The following CSTPP1 variants were observed in gnomAD, a reference collection of about 807,000 sequenced individuals.
The protein encoded by CSTPP1 is UPF0705 protein C11orf49.
the CSTPP1 span, among the ~76,000 whole-genome samples, chr11:46,982,594 T>C: frequency 1.3e-5 from 2 of 152,122 alleles, no homozygotes; most frequent in African/African-American, 4.8e-5. Context: ...GGGAAGAGAA[T>C]AAAATAAATA....
chr11:46,938,508 TC>T, the CSTPP1 span, among the ~76,000 whole-genome samples: 36,223 of 151,026 alleles, frequency 0.24, 5,080 homozygotes, highest in East Asian at 0.65. Flanking sequence ...TCCTGAAAAA[TC>T]CCCTGTGCTC....
the CSTPP1 span, among the ~76,000 whole-genome samples, chr11:47,088,587 C>T: frequency 6.6e-6 from 1 of 152,086 alleles, no homozygotes; most frequent in Non-Finnish European, 1.5e-5. Flanking sequence ...CTCTCTCTTG[C>T]CCAGGCTGGA....
chr11:47,102,730 C>T, the CSTPP1 span, among the ~76,000 whole-genome samples: 1 of 152,114 alleles, frequency 6.6e-6, no homozygotes, highest in South Asian at 2.1e-4. Context: ...ATTGTCAGGT[C>T]GAAACAGCTT....
the CSTPP1 span, among the ~76,000 whole-genome samples, chr11:47,157,448 A>G: frequency 6.6e-6 from 1 of 152,178 alleles, no homozygotes; most frequent in Non-Finnish European, 1.5e-5. Flanking sequence ...TAGTTGACCA[A>G]TTTACTGGGT....
chr11:47,104,545 C>T, the CSTPP1 span, among the ~76,000 whole-genome samples: 22 of 152,334 alleles, frequency 1.4e-4, no homozygotes, highest in African/African-American at 4.8e-4. Context: ...CAAGGGACAG[C>T]AGTTTGCCAA....
chr11:47,163,051 T>C, the CSTPP1 span, among the ~76,000 whole-genome samples: 1 of 151,956 alleles, frequency 6.6e-6, no homozygotes, highest in African/African-American at 2.4e-5. Context: ...AGCTTGCACC[T>C]GTAGTCCCAG....
chr11:46,987,140 A>G, the CSTPP1 span: 25 of 1,483,498 alleles, frequency 1.7e-5, no homozygotes, highest in East Asian at 5.4e-4. Flanking sequence ...ACCTCCTACT[A>G]GGATTGGGAT....
chr11:47,047,843 G>A, the CSTPP1 span, among the ~76,000 whole-genome samples: 1 of 152,158 alleles, frequency 6.6e-6, no homozygotes, highest in Non-Finnish European at 1.5e-5. Flanking sequence ...TTAAAAATGG[G>A]CAAAGGACTT....
the CSTPP1 span, among the ~76,000 whole-genome samples, chr11:46,974,627 G>A: frequency 2.0e-5 from 3 of 151,688 alleles, no homozygotes; most frequent in African/African-American, 7.3e-5. Context: ...GTTCACTTGA[G>A]ATCAGGAGTT....
the CSTPP1 span, among the ~76,000 whole-genome samples, chr11:46,947,817 TC>T: frequency 1.3e-5 from 2 of 152,162 alleles, no homozygotes; most frequent in Non-Finnish European, 2.9e-5. Context: ...CCCCAGGACT[TC>T]AGATCAGGTG....
chr11:47,073,347 C>T, the CSTPP1 span, among the ~76,000 whole-genome samples: 2 of 151,976 alleles, frequency 1.3e-5, no homozygotes, highest in Admixed American at 6.6e-5. Flanking sequence ...AAAGGTGCTA[C>T]GGAGCATCAG....
the CSTPP1 span, among the ~76,000 whole-genome samples, chr11:47,081,856 C>T: frequency 6.6e-6 from 1 of 151,240 alleles, no homozygotes; most frequent in Non-Finnish European, 1.5e-5. Flanking sequence ...TTTGGGAGGC[C>T]GAGGTGGGAG....
the CSTPP1 span, among the ~76,000 whole-genome samples, chr11:47,102,210 C>T: frequency 6.6e-6 from 1 of 151,840 alleles, no homozygotes; most frequent in South Asian, 2.1e-4. Context: ...GTGGATAGAT[C>T]AGGTCCAGTG....
At chr11:47,097,065 C>A in the CSTPP1 span, among the ~76,000 whole-genome samples, 143 of 148,914 alleles carry the variant, frequency 9.6e-4, no homozygotes, top group African/African-American at 3.5e-3. Context: ...GGTCAGCCCC[C>A]CCACCCGGCC....
At chr11:47,026,592 A>G in the CSTPP1 span, among the ~76,000 whole-genome samples, 1 of 152,152 alleles carries the variant, frequency 6.6e-6, no homozygotes, top group East Asian at 1.9e-4. Context: ...AAGTAGCTAA[A>G]ATTGGCTGGG....
chr11:47,155,004 T>C, the CSTPP1 span: 1 of 637,778 alleles, frequency 1.6e-6, no homozygotes, highest in South Asian at 1.8e-5. Flanking sequence ...AGGAGCTTGC[T>C]TTTGGGAGCC....
chr11:47,158,800 A>G, the CSTPP1 span, among the ~76,000 whole-genome samples: 1 of 152,210 alleles, frequency 6.6e-6, no homozygotes, highest in Admixed American at 6.5e-5. Flanking sequence ...CTCCCAAAGT[A>G]CTGGGATTAC....
the CSTPP1 span, chr11:47,154,351 G>C: frequency 6.6e-6 from 1 of 152,506 alleles, no homozygotes; most frequent in Admixed American, 6.5e-5. Context: ...GGCATGTGAT[G>C]GAGCCCAGCA....
the CSTPP1 span, among the ~76,000 whole-genome samples, chr11:47,094,774 T>C: frequency 1.3e-5 from 2 of 152,178 alleles, no homozygotes; most frequent in Non-Finnish European, 2.9e-5. Flanking sequence ...ATTGCCATCA[T>C]CACAGAAAGT....
Sources: gnomAD v4.1 joint callset for allele counts (sites outside exome capture counted in the v4.1 genomes callset) on GRCh38, gnomAD v4.1.1 for gene constraint, MANE v1.5 for transcripts, NCBI Gene and HGNC (gene_info 2026-07-23, HGNC 2026-07-21) for gene names.